ZNF862: variants seen among roughly 807,000 people sequenced by gnomAD.
ZNF862 encodes zinc finger protein 862.
In ZNF862, 64 loss-of-function variants were observed where a neutral mutation model predicts 91.1. The ratio of observed to expected loss-of-function variants is 0.70; its 90% CI spans 0.57 to 0.87. The LOEUF is 0.87. ZNF862 is among the 40% of genes least tolerant of loss of function. ZNF862 has a pLI of 0.00. For missense variants in ZNF862, 1,459 were observed against 1,528.0 expected, an observed-to-expected ratio of 0.95 and a Z score of 0.75; for synonymous variants, 631 against 618.1, an observed-to-expected ratio of 1.02 and a Z score of -0.31.
chr7:149,866,445 GCA>G lies in ZNF862; in HGVS notation c.*2166_*2167del, dbSNP rs1199564670. ...GATTCCACATCAAGGTGCTGTTCCA[GCA>G]CACATGCTTCCTGCGGCCTCTTCAT... On this transcript the variant is annotated 3_prime_UTR_variant, in exon 8 of 8. Coordinates refer to ENST00000223210, the MANE Select transcript of ZNF862 (RefSeq NM_001099220.3). 1 of 152,250 alleles carries G rather than the reference GCA, an allele frequency of 6.6e-6. No homozygotes were observed. Among genetic ancestry groups the G allele is most frequent in the Non-Finnish European group, 1.5e-5 (1 of 68,086 alleles). The allele number at this position is 152,250 out of a possible 1,614,324, so 9.4% of individuals were successfully genotyped here.
Position 149,848,216 on chromosome 7 carries a change from A to G in ZNF862, c.723A>G (p.Ile241Met). The change falls in exon 4 of 8, where the codon ATA becomes ATG. Residue 241 changes from isoleucine to methionine, a missense_variant. Transcript: ENST00000223210. ...CGCTCTTCACTGCAGATTGCCCCAT[A>G]TTCTACCCCCCAGGGCCTCTGGGAG... is the stretch of plus-strand genomic sequence containing the variant. ...PEPLFTADCP[I>M]FYPPGPLGGF... The G allele has an allele frequency of 6.2e-7, 1 of 1,613,856 alleles. No individual in the cohort carries two copies.
Position 149,848,328 on chromosome 7 carries a change from C to G in ZNF862, c.835C>G (p.Leu279Val). The change falls in exon 4 of 8, where the codon CTA becomes GTA. Residue 279 changes from leucine to valine, a missense_variant. Coordinates refer to ENST00000223210, the MANE Select transcript of ZNF862 (RefSeq NM_001099220.3). ...GGDGAIPAMYLDCISDLRQKE... is the reference protein window; with the variant it reads ...GGDGAIPAMYVDCISDLRQKE... The stretch of plus-strand genomic sequence containing the variant: ...GGATGGAGCAATTCCTGCAATGTAT[C>G]TAGACTGCATTTCAGATTTGAGGCA... 1 of 1,607,866 alleles carries G rather than the reference C, an allele frequency of 6.2e-7. No homozygotes were observed. Among genetic ancestry groups the G allele is most frequent in the African/African-American group, 1.3e-5 (1 of 74,970 alleles).
chr7:149,860,313 G>A, intron 6 of ZNF862, 70 bp from the exon 7 acceptor site: 1 of 1,382,808 alleles, frequency 7.2e-7, no homozygotes, highest in Non-Finnish European at 9.9e-7. Flanking sequence ...AAATTTGGGG[G>A]TGTCTTAGCT....
rs776264629 is a variant in ZNF862, at chr7:149,847,777, G to T, written c.284G>T (p.Gly95Val). The T allele has an allele frequency of 4.3e-6, 7 of 1,613,836 alleles. 1 individual carries two copies. In the South Asian group the frequency reaches 6.6e-5, roughly 15 times the overall value. The change falls in exon 4 of 8, where the codon GGT becomes GTT. Residue 95 changes from glycine to valine, a missense_variant. Transcript: ENST00000223210. ...MGYMGEMEVQ[G>V]PTRESGQSLP... ...TACATGGGAGAAATGGAGGTGCAAG[G>T]TCCCACCAGGGAGAGTGGACAGTCC...
In ZNF862 at chr7:149,864,182, G is replaced by T. The variant is rs759666513; in HGVS notation, c.3408G>T (p.Leu1136=). 2.5e-6 allele frequency: 4 copies of T among 1,595,436 alleles called. No individual in the cohort carries two copies. Among genetic ancestry groups the T allele is most frequent in the Non-Finnish European group, 2.6e-6 (3 of 1,171,314 alleles). Residue 1136 remains leucine (L), a synonymous_variant, in exon 8 of 8, where the codon CTG becomes CTT. Transcript: ENST00000223210. The stretch of plus-strand genomic sequence containing the variant: ...CCAGGACCCAGAAGCCACCCATCCT[G>T]CCCTCCAGGGAAGCAGCGGAGGTTC... ...EEPRTQKPPI[L]PSREAAEVLK...
chr7:149,864,002 AGTCTGTTCT>A (rs1464144910), intron 7 of ZNF862, 98 bp from the exon 8 acceptor site: 1 of 1,168,260 alleles, frequency 8.6e-7, no homozygotes, highest in Non-Finnish European at 1.2e-6. Flanking sequence ...TCCTGACTTC[AGTCTGTTCT>A]GCCAAGCTTT....
At chr7:149,839,373 C>T (rs1043093057) in intron 1 of ZNF862, among the ~76,000 whole-genome samples, 3 of 152,136 alleles carry the variant, frequency 2.0e-5, no homozygotes, top group African/African-American at 7.2e-5. Context: ...AGTATTGTTT[C>T]TTATTTGGCA....
chr7:149,842,102 G>A (rs1374948636), intron 1 of ZNF862, among the ~76,000 whole-genome samples: 3 of 152,144 alleles, frequency 2.0e-5, no homozygotes, highest in Admixed American at 2.0e-4. Flanking sequence ...GCTTGGGCCA[G>A]GTGGTTAGGA....
chr7:149,848,635 A>G (rs1196700447), intron 4 of ZNF862, among the ~76,000 whole-genome samples: 1 of 152,220 alleles, frequency 6.6e-6, no homozygotes, highest in African/African-American at 2.4e-5. Flanking sequence ...AATTTGGACA[A>G]CAACCCTATT....
At position 149,862,212 on chromosome 7, in the gene ZNF862, C is replaced by G; in HGVS notation, c.3052C>G (p.Arg1018Gly). ...CAAAAACGCCCTGGCCCAGCACTGCCGCTTCCCCCTGCTAAGCAAGCTCAT... is the reference window on the plus strand; with the variant it reads ...CAAAAACGCCCTGGCCCAGCACTGCGGCTTCCCCCTGCTAAGCAAGCTCAT... The part of the protein sequence containing the change: ...LCKNALAQHC[R>G]FPLLSKLMAV... The change falls in exon 7 of 8, where the codon CGC becomes GGC. Residue 1018 changes from arginine to glycine, a missense_variant. Transcript: ENST00000223210. The G allele has an allele frequency of 6.2e-7, 1 of 1,613,696 alleles. No homozygotes were observed. The highest frequency in any genetic ancestry group is 8.5e-7 in the Non-Finnish European group (1 of 1,179,888).
intron 5 of ZNF862, among the ~76,000 whole-genome samples, chr7:149,852,337 T>TTTTGTG (rs1554448261): frequency 4.3e-5 from 6 of 140,408 alleles, no homozygotes; most frequent in African/African-American, 1.6e-4. Context: ...GAACTCAGTT[T>TTTTGTG]TGTGTGTGTG....
At position 149,859,421 on chromosome 7, in the gene ZNF862, G is replaced by C. The variant is rs765312104; in HGVS notation, c.1118-1G>C. ...AGCATGATTCTTCATCCTTACAACA[G>C]GACCTGCCGCTGCCAAGCCAGACTT... On this transcript the variant is annotated splice_acceptor_variant, in intron 5 of 7. Coordinates refer to ENST00000223210, the MANE Select transcript of ZNF862 (RefSeq NM_001099220.3). LOFTEE classifies it high-confidence loss of function. 1.9e-6 allele frequency: 3 copies of C among 1,569,236 alleles called. No homozygotes were observed. In the South Asian group the frequency reaches 3.5e-5, roughly 18 times the overall value.
chr7:149,840,427 GTTAAT>G (rs1418327792), intron 1 of ZNF862, among the ~76,000 whole-genome samples: 1 of 152,058 alleles, frequency 6.6e-6, no homozygotes, highest in Non-Finnish European at 1.5e-5. Context: ...ATAAGCTAGG[GTTAAT>G]TTATTATTGA....
intron 7 of ZNF862, among the ~76,000 whole-genome samples, chr7:149,863,794 G>A (rs908083879): frequency 2.0e-5 from 3 of 152,208 alleles, no homozygotes; most frequent in African/African-American, 7.2e-5. Context: ...GGGAACTTGA[G>A]CAGCATCCAT....
chr7:149,851,168 G>A (rs1802058709), intron 5 of ZNF862, among the ~76,000 whole-genome samples: 2 of 152,202 alleles, frequency 1.3e-5, no homozygotes, highest in South Asian at 4.1e-4. Flanking sequence ...CGTGATCTTG[G>A]TTCACTGCAA....
In ZNF862 at chr7:149,838,610, C is replaced by A. The variant is rs909375321; in HGVS notation, c.-2C>A. 7 of 1,225,952 alleles carry A rather than the reference C, an allele frequency of 5.7e-6. No individual in the cohort carries two copies. Among genetic ancestry groups the A allele is most frequent in the Non-Finnish European group, 5.1e-6 (5 of 979,752 alleles). The allele number at this position is 1,225,952 out of a possible 1,614,324, so 75.9% of individuals were successfully genotyped here. Reference sequence around the variant, plus strand: ...GCGGCACGGGCCTCCGAAAGCGGGGCCATGGAGCCCAGAGAGTCGGGGAAG... The same window carrying A: ...GCGGCACGGGCCTCCGAAAGCGGGGACATGGAGCCCAGAGAGTCGGGGAAG... On this transcript the variant is annotated 5_prime_UTR_variant, in exon 1 of 8. Coordinates refer to ENST00000223210, the MANE Select transcript of ZNF862 (RefSeq NM_001099220.3).
chr7:149,840,893 C>T (rs1801681329), intron 1 of ZNF862: 4 of 967,202 alleles, frequency 4.1e-6, no homozygotes, highest in African/African-American at 1.8e-5. Flanking sequence ...TAGAACTTAT[C>T]CCTGTTGTTA....
Position 149,860,712 on chromosome 7 carries a change from T to C in ZNF862, c.1552T>C (p.Tyr518His). ...TGPFKVETLK[Y>H]HEVSKAHRLC... ...GCCTTTTAAAGTGGAGACTTTAAAA[T>C]ACCATGAAGTCAGCAAAGCGCACAG... is the stretch of plus-strand genomic sequence containing the variant. The change falls in exon 7 of 8, where the codon TAC (tyrosine) becomes CAC (histidine). Residue 518 changes from tyrosine (Y) to histidine (H), a missense_variant. Tyr to His is a moderately conservative substitution (Grantham distance 83). Coordinates refer to ENST00000223210, the MANE Select transcript of ZNF862 (RefSeq NM_001099220.3). 1 of 1,613,930 alleles carries C rather than the reference T, an allele frequency of 6.2e-7. No individual in the cohort carries two copies. Among genetic ancestry groups the C allele is most frequent in the Non-Finnish European group, 8.5e-7 (1 of 1,179,894 alleles).
rs574009300 is a variant in ZNF862 at position 149,842,960 on chromosome 7, G to A, written c.25-1665G>A. The stretch of plus-strand genomic sequence containing the variant: ...CACTCGAGCAAACAGTTATTTAAAT[G>A]TACACATTTGGCAGTACAATTCCAT... On this transcript the variant is annotated intron_variant, in intron 1 of 7. Transcript: ENST00000223210. 3.9e-5 allele frequency among the ~76,000 whole-genome samples: 6 copies of A among 152,316 alleles called. No individual in the cohort carries two copies. The East Asian group carries it at 1.2e-3, about 29-fold the overall frequency.
Sources: allele counts gnomAD v4.1 joint callset (sites outside exome capture counted in the v4.1 genomes callset), GRCh38; gene constraint gnomAD v4.1.1; transcripts MANE v1.5; gene names NCBI Gene and HGNC (gene_info 2026-07-23, HGNC 2026-07-21).